Variants in RAD51B observed in about 807,000 individuals in gnomAD.
The protein encoded by RAD51B is RAD51 paralog B.
Under a neutral mutation model 42.2 loss-of-function variants are expected in RAD51B, and 38 were observed. The ratio of observed to expected loss-of-function variants is 0.90; its 90% CI spans 0.70 to 1.18. The LOEUF (loss-of-function observed/expected upper bound fraction) is 1.18. RAD51B is among the 50% of genes most tolerant of loss of function. The pLI is 0.00. For synonymous variants in RAD51B, 154 were observed against 145.2 expected (o/e 1.06, Z -0.43); for missense variants, 373 against 400.7 (o/e 0.93, Z 0.59).
At chr14:68,238,876 T>C (rs763298229) in intron 7 of RAD51B, among the ~76,000 whole-genome samples, 2 of 152,194 alleles carry the variant, frequency 1.3e-5, no homozygotes, top group Non-Finnish European at 2.9e-5. Context: ...GTTGCTCTTC[T>C]TAGCCTGTTT....
chr14:68,315,985 A>G (rs549863810), intron 8 of RAD51B, among the ~76,000 whole-genome samples: 1 of 152,334 alleles, frequency 6.6e-6, no homozygotes, highest in East Asian at 1.9e-4. Context: ...ATATCATCTT[A>G]GACTTATACG....
intron 8 of RAD51B, among the ~76,000 whole-genome samples, chr14:68,407,888 G>C (rs2084318716): frequency 6.6e-6 from 1 of 152,116 alleles, no homozygotes; most frequent in African/African-American, 2.4e-5. Context: ...GTGGGCGCAG[G>C]GTAGAAAGTC....
At chr14:68,034,453 G>C (rs766360809) in intron 7 of RAD51B, among the ~76,000 whole-genome samples, 2 of 151,998 alleles carry the variant, frequency 1.3e-5, no homozygotes, top group Non-Finnish European at 2.9e-5. Flanking sequence ...GTATTTTGTG[G>C]AGTCAGAGTC....
At chr14:67,869,159 A>G (rs2042434282) in intron 5 of RAD51B, among the ~76,000 whole-genome samples, 1 of 152,214 alleles carries the variant, frequency 6.6e-6, no homozygotes, top group Non-Finnish European at 1.5e-5. Flanking sequence ...GGACATTCAA[A>G]CCAAAGGCAA....
At chr14:68,556,421 C>A (rs1294888937) in intron 10 of RAD51B, among the ~76,000 whole-genome samples, 1 of 152,204 alleles carries the variant, frequency 6.6e-6, no homozygotes, top group African/African-American at 2.4e-5. Flanking sequence ...CCCTGCAGAT[C>A]GCTCCCAGAT....
At chr14:67,895,263 T>A (rs2043374635) in intron 7 of RAD51B, among the ~76,000 whole-genome samples, 1 of 152,224 alleles carries the variant, frequency 6.6e-6, no homozygotes, top group Non-Finnish European at 1.5e-5. Context: ...TGTTGTAGAA[T>A]TTTCTAACTG....
At chr14:68,120,396 A>G (rs992392909) in intron 7 of RAD51B, among the ~76,000 whole-genome samples, 5 of 152,202 alleles carry the variant, frequency 3.3e-5, no homozygotes, top group South Asian at 2.1e-4. Context: ...TTTAGGCCAT[A>G]TAAGTGGTTT....
intron 8 of RAD51B, among the ~76,000 whole-genome samples, chr14:68,357,099 T>G (rs907579020): frequency 7.2e-5 from 11 of 152,172 alleles, no homozygotes; most frequent in African/African-American, 2.7e-4. Flanking sequence ...ACGGTAGAAC[T>G]TCTTTCAAAA....
intron 10 of RAD51B, chr14:68,541,859 C>A: frequency 1.0e-6 from 1 of 969,400 alleles, no homozygotes; most frequent in Non-Finnish European, 1.2e-6. Flanking sequence ...TCAAAACAAG[C>A]CTCATCTCAT....
chr14:68,158,940 TTTA>T (rs2078576165), intron 7 of RAD51B, among the ~76,000 whole-genome samples: 1 of 152,214 alleles, frequency 6.6e-6, no homozygotes, highest in South Asian at 2.1e-4. Flanking sequence ...TTTCTATCTT[TTTA>T]TTTCTTACAA....
intron 5 of RAD51B, among the ~76,000 whole-genome samples, chr14:67,872,036 G>A (rs2042553168): frequency 6.8e-6 from 1 of 147,178 alleles, no homozygotes. Flanking sequence ...ACAAGACAGG[G>A]ATGCCCTCTC....
chr14:67,837,453 C>T (rs2041281030), intron 4 of RAD51B, among the ~76,000 whole-genome samples: 1 of 152,152 alleles, frequency 6.6e-6, no homozygotes. Flanking sequence ...ACAGAAGTTA[C>T]AAGCCTTTTA....
intron 9 of RAD51B, among the ~76,000 whole-genome samples, chr14:68,445,114 C>G (rs1296511918): frequency 6.6e-6 from 1 of 152,158 alleles, no homozygotes; most frequent in African/African-American, 2.4e-5. Flanking sequence ...ATGCCAACAG[C>G]AAACTAGAAC....
At chr14:68,196,859 C>G (rs539358546) in intron 7 of RAD51B, among the ~76,000 whole-genome samples, 4 of 152,306 alleles carry the variant, frequency 2.6e-5, no homozygotes, top group African/African-American at 9.6e-5. Context: ...AAAACATAGA[C>G]TTTATTCTCA....
At chr14:68,119,767 C>G in intron 7 of RAD51B, among the ~76,000 whole-genome samples, 1 of 151,392 alleles carries the variant, frequency 6.6e-6, no homozygotes, top group Admixed American at 6.6e-5. Flanking sequence ...TGAATATTGC[C>G]GCAATAAACA....
intron 11 of RAD51B, among the ~76,000 whole-genome samples, chr14:68,679,498 A>G (rs749376505): frequency 1.3e-5 from 2 of 152,206 alleles, no homozygotes; most frequent in Non-Finnish European, 2.9e-5. Context: ...AATGGGCCCA[A>G]TGCTGATAGC....
intron 7 of RAD51B, among the ~76,000 whole-genome samples, chr14:68,237,791 A>AGTG (rs1476421093): frequency 1.5e-5 from 2 of 129,322 alleles, no homozygotes; most frequent in East Asian, 4.4e-4. Context: ...GCTGGAGTGC[A>AGTG]GTGGTGCAAT....
At chr14:68,306,579 A>G (rs898608662) in intron 8 of RAD51B, 1 of 508,568 alleles carries the variant, frequency 2.0e-6, no homozygotes, top group Middle Eastern at 3.2e-4. Flanking sequence ...ATATCTTTTG[A>G]CCAATTTGCA....
intron 7 of RAD51B, among the ~76,000 whole-genome samples, chr14:67,977,569 G>A (rs2075018846): frequency 6.6e-6 from 1 of 152,200 alleles, no homozygotes; most frequent in Non-Finnish European, 1.5e-5. Flanking sequence ...GCCTGGCCAA[G>A]CCCTTTGGCA....
Sources: allele counts gnomAD v4.1 joint callset (sites outside exome capture counted in the v4.1 genomes callset), GRCh38; gene constraint gnomAD v4.1.1; transcripts MANE v1.5; gene names NCBI Gene and HGNC (gene_info 2026-07-23, HGNC 2026-07-21).